Variants in VTCN1 observed in about 807,000 individuals in gnomAD.
VTCN1 encodes V-set domain-containing T-cell activation inhibitor 1.
VTCN1 carries 26 observed loss-of-function variants against 26.5 expected under a neutral mutation model. The ratio of observed to expected loss-of-function variants is 0.98; its 90% CI spans 0.72 to 1.36. The LOEUF is 1.36. Ranked by LOEUF, VTCN1 falls within the 40% of genes most tolerant of loss-of-function variation. VTCN1 has a pLI of 0.00. For missense variants in VTCN1, 298 were observed against 337.7 expected, an observed-to-expected ratio of 0.88 and a Z score of 0.92; for synonymous variants, 116 against 130.7, an observed-to-expected ratio of 0.89 and a Z score of 0.77.
Position 117,171,224 on chromosome 1 carries a change from G to A in VTCN1, c.33-1053C>T, listed in dbSNP as rs569387796. On this transcript the variant is annotated intron_variant, in intron 1 of 5. Coordinates refer to ENST00000369458, the MANE Select transcript of VTCN1 (RefSeq NM_024626.4). ...CTGCATAGTATTCTATGGTGTATACGTGCCACATTTTCTTTATCCAGCCTA... is the reference window on the plus strand; with the variant it reads ...CTGCATAGTATTCTATGGTGTATACATGCCACATTTTCTTTATCCAGCCTA... Among the ~76,000 whole-genome samples the A allele has an allele frequency of 6.2e-4, 94 of 152,238 alleles. 3 individuals carry two copies. In the South Asian group the frequency reaches 0.017, roughly 27 times the overall value.
rs372840423 is a variant in VTCN1, at chr1:117,145,432, G to A, written c.*46-207C>T. ...GAGATGGCTTGAATCTCTCCTTAAC[G>A]GGGTATCATCCCAGTGGCAGTCTCA... is the stretch of plus-strand genomic sequence containing the variant. On this transcript the variant is annotated intron_variant, in intron 5 of 5. Transcript: ENST00000369458. This position sits in a 1 kb window ranked among gnomAD's most constrained non-coding sequence, Gnocchi z 4.6. Among the ~76,000 whole-genome samples the A allele has an allele frequency of 2.6e-5, 4 of 152,232 alleles. No individual in the cohort carries two copies. The highest frequency in any genetic ancestry group is 2.1e-4 in the South Asian group (1 of 4,820).
At chr1:117,171,323 T>C (rs1230214617) in intron 1 of VTCN1, among the ~76,000 whole-genome samples, 1 of 152,206 alleles carries the variant, frequency 6.6e-6, no homozygotes, top group African/African-American at 2.4e-5. Context: ...CATGTGTGCA[T>C]GTATCTCTAT....
chr1:117,196,320 C>T (rs1432737011), intron 1 of VTCN1, among the ~76,000 whole-genome samples: 2 of 151,012 alleles, frequency 1.3e-5, no homozygotes, highest in African/African-American at 4.9e-5. Flanking sequence ...TTGAGAAATA[C>T]TTATAAGACC....
intron 1 of VTCN1, among the ~76,000 whole-genome samples, chr1:117,191,233 A>AC (rs1237479237): frequency 6.6e-6 from 1 of 152,242 alleles, no homozygotes; most frequent in Non-Finnish European, 1.5e-5. Context: ...GAGGAACAAA[A>AC]AGAAAAACAA....
intron 1 of VTCN1, among the ~76,000 whole-genome samples, chr1:117,196,588 C>T (rs1299518135): frequency 1.3e-5 from 2 of 151,340 alleles, no homozygotes; most frequent in East Asian, 1.9e-4. Flanking sequence ...AAAAAGAAAA[C>T]TCTGCCTTTT....
Position 117,195,879 on chromosome 1 carries a change from G to A in VTCN1, c.32+14945C>T, listed in dbSNP as rs571928826. On this transcript the variant is annotated intron_variant, in intron 1 of 5. Transcript: ENST00000369458. ...AAATTAATGTAATAGGATTGGGTGC[G>A]GTGGCTCACACCTGTAATCCTAGCA... Among the ~76,000 whole-genome samples, 18 of 152,242 alleles carry A rather than the reference G, an allele frequency of 1.2e-4. 1 individual carries two copies. The South Asian group carries it at 3.1e-3, about 26-fold the overall frequency.
chr1:117,208,118 G>A lies in VTCN1; in HGVS notation c.32+2706C>T, dbSNP rs886906318. On this transcript the variant is annotated intron_variant, in intron 1 of 5. Coordinates refer to ENST00000369458, the MANE Select transcript of VTCN1 (RefSeq NM_024626.4). Reference sequence around the variant, plus strand: ...CCTCATCACCACAAATCCCAGTTCTGAGTCTATCGAAGGCCCAGTGTGACC... The same window carrying A: ...CCTCATCACCACAAATCCCAGTTCTAAGTCTATCGAAGGCCCAGTGTGACC... Among the ~76,000 whole-genome samples, 4 of 152,120 alleles carry A rather than the reference G, an allele frequency of 2.6e-5. No individual in the cohort carries two copies. In the East Asian group the frequency reaches 7.7e-4, roughly 29 times the overall value.
rs1331599924 is a variant in VTCN1 at position 117,159,732 on chromosome 1, A to C, written c.98-2811T>G. On this transcript the variant is annotated intron_variant, in intron 2 of 5. Coordinates refer to ENST00000369458, the MANE Select transcript of VTCN1 (RefSeq NM_024626.4). The surrounding 1 kb of genome is among the most constrained non-coding windows in gnomAD (Gnocchi z 4.7). ...TCATTCTGAAAAATGCTGAATTCTAAAGTGCTGTAACTTTTATTTCTGTTT... is the reference window on the plus strand; with the variant it reads ...TCATTCTGAAAAATGCTGAATTCTACAGTGCTGTAACTTTTATTTCTGTTT... Among the ~76,000 whole-genome samples, 3 of 152,244 alleles carry C rather than the reference A, an allele frequency of 2.0e-5. No individual in the cohort carries two copies. Among genetic ancestry groups the C allele is most frequent in the Non-Finnish European group, 4.4e-5 (3 of 68,030 alleles).
intron 1 of VTCN1, among the ~76,000 whole-genome samples, chr1:117,204,595 G>A (rs780401917): frequency 2.6e-5 from 4 of 152,008 alleles, no homozygotes; most frequent in East Asian, 3.9e-4. Flanking sequence ...GGCCAGTTGC[G>A]GTGGCTCACG....
At position 117,167,269 on chromosome 1, in the gene VTCN1, A is replaced by G. The variant is rs2101507562; in HGVS notation, c.97+2838T>C. Among the ~76,000 whole-genome samples the G allele has an allele frequency of 6.6e-6, 1 of 152,192 alleles. No homozygotes were observed. The highest frequency in any genetic ancestry group is 1.9e-4 in the East Asian group (1 of 5,174). On this transcript the variant is annotated intron_variant, in intron 2 of 5. Transcript: ENST00000369458. The surrounding 1 kb of genome is among the most constrained non-coding windows in gnomAD (Gnocchi z 4.1). Reference sequence around the variant, plus strand: ...CTGTACAGCTTGAAGAATGATTATAACTTTATTCCATGTAACCATCATCAC... The same window carrying G: ...CTGTACAGCTTGAAGAATGATTATAGCTTTATTCCATGTAACCATCATCAC...
chr1:117,147,865 C>T lies in VTCN1; in HGVS notation c.725-83G>A, dbSNP rs558485591. ...CATGACTGGTTAGCAAAGAAAAGTA[C>T]CTGAAAAACAGAACAAGTTGTTCCT... On this transcript the variant is annotated intron_variant, in intron 4 of 5. Transcript: ENST00000369458. The surrounding 1 kb of genome is among the most constrained non-coding windows in gnomAD (Gnocchi z 4.6). The T allele has an allele frequency of 7.9e-6, 12 of 1,519,280 alleles. No homozygotes were observed. The highest frequency in any genetic ancestry group is 5.6e-5 in the African/African-American group (4 of 71,086). The allele number at this position is 1,519,280 out of a possible 1,614,324, so 94.1% of individuals were successfully genotyped here. A position where few individuals can be genotyped will look rare whatever the true frequency, so the allele number is the denominator to read the frequency against.
At chr1:117,152,773 A>G (rs1309788771) in intron 4 of VTCN1, among the ~76,000 whole-genome samples, 3 of 152,210 alleles carry the variant, frequency 2.0e-5, no homozygotes, top group Non-Finnish European at 4.4e-5. Flanking sequence ...TCACTTCCTC[A>G]CTGCTGTAGC....
chr1:117,210,887 C>T lies in VTCN1; in HGVS notation c.-32G>A, dbSNP rs757902627. The stretch of plus-strand genomic sequence containing the variant: ...GGAAGGTTCCCAGCGTATCTGGGTA[C>T]TGGCTGAGTGGAGCTGCCGCTGCCT... On this transcript the variant is annotated 5_prime_UTR_variant, in exon 1 of 6. Coordinates refer to ENST00000369458, the MANE Select transcript of VTCN1 (RefSeq NM_024626.4). 6.2e-7 allele frequency: 1 copy of T among 1,613,784 alleles called. No individual in the cohort carries two copies.
intron 1 of VTCN1, among the ~76,000 whole-genome samples, chr1:117,207,627 C>T (rs143601987): frequency 3.8e-4 from 58 of 152,278 alleles, no homozygotes; most frequent in Non-Finnish European, 4.9e-4. Flanking sequence ...TAGCCTCATG[C>T]CCTCTGCTGC....
intron 1 of VTCN1, among the ~76,000 whole-genome samples, chr1:117,197,504 A>G (rs991291011): frequency 6.6e-6 from 1 of 152,170 alleles, no homozygotes; most frequent in African/African-American, 2.4e-5. Flanking sequence ...CTCTCCATTT[A>G]CTTAGGGAGT....
rs916361996 is a variant in VTCN1, at chr1:117,154,783, C to CAAAAAAAAA, written c.446-1423_446-1415dup. 2.4e-3 allele frequency among the ~76,000 whole-genome samples: 95 copies of CAAAAAAAAA among 38,980 alleles called. 1 individual carries two copies. Among genetic ancestry groups the CAAAAAAAAA allele is most frequent in the Middle Eastern group, 0.017 (1 of 58 alleles). 25.6% of individuals were successfully genotyped at this position (38,980 alleles called of 152,430 possible). ...GGGCAACAAGAGTGAAACTCCATCT[C>CAAAAAAAAA]AAAAAAAAAAAAAAAAAAAAGAAAG... On this transcript the variant is annotated intron_variant, in intron 3 of 5. Coordinates refer to ENST00000369458, the MANE Select transcript of VTCN1 (RefSeq NM_024626.4).
At chr1:117,174,287 T>C (rs1653083551) in intron 1 of VTCN1, among the ~76,000 whole-genome samples, 1 of 152,206 alleles carries the variant, frequency 6.6e-6, no homozygotes, top group Admixed American at 6.5e-5. Context: ...TTTGGAGGAC[T>C]TGCTCATTCA....
At chr1:117,149,253 A>C (rs138175263) in intron 4 of VTCN1, among the ~76,000 whole-genome samples, 1 of 150,836 alleles carries the variant, frequency 6.6e-6, no homozygotes, top group Non-Finnish European at 1.5e-5. Flanking sequence ...TAAAACCCTT[A>C]TCTACTCCCC....
intron 3 of VTCN1, among the ~76,000 whole-genome samples, chr1:117,153,746 T>C (rs985066643): frequency 6.6e-6 from 1 of 152,158 alleles, no homozygotes; most frequent in Non-Finnish European, 1.5e-5. Flanking sequence ...CTGGATTTTA[T>C]GTATTTTTCT....
Sources: allele counts gnomAD v4.1 joint callset (sites outside exome capture counted in the v4.1 genomes callset), GRCh38; gene constraint gnomAD v4.1.1; non-coding constraint Gnocchi (gnomAD v3.1); transcripts MANE v1.5; gene names NCBI Gene and HGNC (gene_info 2026-07-23, HGNC 2026-07-21).